The following CATSPERE variants were observed in gnomAD, a reference collection of about 807,000 sequenced individuals.
CATSPERE encodes cation channel sperm-associated auxiliary subunit epsilon.
A neutral mutation model predicts 114.1 loss-of-function variants in CATSPERE; 93 were observed. That is an observed-to-expected ratio of 0.81 (90% confidence interval 0.69 to 0.97). The LOEUF (loss-of-function observed/expected upper bound fraction) is 0.97. Among genes scored for constraint, CATSPERE ranks in the 50% least tolerant of loss-of-function variants. The pLI is 0.00. For synonymous variants in CATSPERE, 341 were observed against 384.1 expected, an observed-to-expected ratio of 0.89 and a Z score of 1.31; for missense variants, 1,058 against 1,131.6, an observed-to-expected ratio of 0.93 and a Z score of 0.93.
chr1:244,636,866 G>C (rs1018815238), intron 21 of CATSPERE: 2 of 152,318 alleles, frequency 1.3e-5, no homozygotes, highest in African/African-American at 2.4e-5. Flanking sequence ...GCAGCGACTG[G>C]AGATGAGTTT....
chr1:244,625,426 A>ATTTTTTTTTTT (rs1326525192), intron 20 of CATSPERE, among the ~76,000 whole-genome samples: 25 of 3,942 alleles, frequency 6.3e-3, no homozygotes, highest in Admixed American at 0.016. Context: ...ATATATATAT[A>ATTTTTTTTTTT]TATATATTTT....
chr1:244,548,401 A>G (rs1195952076), intron 8 of CATSPERE, among the ~76,000 whole-genome samples: 2 of 152,196 alleles, frequency 1.3e-5, no homozygotes, highest in African/African-American at 4.8e-5. Flanking sequence ...GACCCCCAAT[A>G]TGACATCATT....
intron 8 of CATSPERE, among the ~76,000 whole-genome samples, chr1:244,549,552 A>G (rs1660281944): frequency 6.6e-6 from 1 of 152,208 alleles, no homozygotes. Context: ...TTACCATATA[A>G]TTTAAGTTAC....
chr1:244,534,573 T>C (rs1218573223), intron 8 of CATSPERE, among the ~76,000 whole-genome samples: 3 of 152,174 alleles, frequency 2.0e-5, no homozygotes, highest in South Asian at 4.1e-4. Flanking sequence ...GCATTCTTCA[T>C]TATGTCGATT....
chr1:244,465,287 G>T (rs1030749888), intron 2 of CATSPERE, among the ~76,000 whole-genome samples: 6 of 152,100 alleles, frequency 3.9e-5, no homozygotes, highest in African/African-American at 1.4e-4. Flanking sequence ...ACCAGCCTCG[G>T]CCTCCCAAAG....
At chr1:244,591,065 A>G (rs1373086686) in intron 14 of CATSPERE, among the ~76,000 whole-genome samples, 3 of 152,200 alleles carry the variant, frequency 2.0e-5, no homozygotes, top group African/African-American at 7.2e-5. Flanking sequence ...AGCAATATAT[A>G]TGGGTCCCAA....
At chr1:244,474,327 C>T (rs1053738877) in intron 2 of CATSPERE, among the ~76,000 whole-genome samples, 3 of 152,132 alleles carry the variant, frequency 2.0e-5, no homozygotes, top group Non-Finnish European at 4.4e-5. Flanking sequence ...CCACCGCACT[C>T]AGTTTACTGC....
Position 244,640,268 on chromosome 1 carries a change from T to C in CATSPERE, c.*187T>C. ...AATAGAAATGTTTTCATATATATTG[T>C]TATTAAATTAATCCTTTGTTTGCCT... On this transcript the variant is annotated 3_prime_UTR_variant, in exon 22 of 22. Transcript: ENST00000366534. The C allele has an allele frequency of 2.2e-6, 1 of 452,646 alleles. No homozygotes were observed. The highest frequency in any genetic ancestry group is 3.9e-6 in the Non-Finnish European group (1 of 258,910). 28.0% of individuals were successfully genotyped at this position (452,646 alleles called of 1,614,324 possible). A position where few individuals can be genotyped will look rare whatever the true frequency, so the allele number is the denominator to read the frequency against.
chr1:244,595,915 A>G (rs1668347713), intron 17 of CATSPERE, among the ~76,000 whole-genome samples: 1 of 152,252 alleles, frequency 6.6e-6, no homozygotes, highest in Admixed American at 6.5e-5. Context: ...CCTGGGCGAC[A>G]GAGCGAGACT....
chr1:244,460,846 G>A (rs1369499094), upstream of CATSPERE, among the ~76,000 whole-genome samples: 1 of 152,230 alleles, frequency 6.6e-6, no homozygotes, highest in Non-Finnish European at 1.5e-5. Flanking sequence ...CGCCGGAGGC[G>A]GAGGTTGCAG....
chr1:244,593,215 C>T (rs940452235), intron 15 of CATSPERE, among the ~76,000 whole-genome samples, 180 bp from the exon 16 acceptor site: 2 of 152,124 alleles, frequency 1.3e-5, no homozygotes, highest in Non-Finnish European at 2.9e-5. Context: ...TAATTCACGC[C>T]TTAGTGGTTG....
At chr1:244,595,702 C>T (rs531713025) in intron 17 of CATSPERE, among the ~76,000 whole-genome samples, 31 of 152,172 alleles carry the variant, frequency 2.0e-4, no homozygotes, top group African/African-American at 6.5e-4. Flanking sequence ...GAGGCCGAGG[C>T]GGGCGGATCA....
intron 5 of CATSPERE, among the ~76,000 whole-genome samples, chr1:244,489,459 T>C (rs1671604983): frequency 1.7e-5 from 1 of 58,954 alleles, no homozygotes; most frequent in African/African-American, 8.0e-5. Context: ...GATTTTTTTT[T>C]TTTTTTTTTT....
chr1:244,585,024 C>T (rs1405363616), intron 13 of CATSPERE, among the ~76,000 whole-genome samples: 1 of 152,152 alleles, frequency 6.6e-6, no homozygotes, highest in African/African-American at 2.4e-5. Flanking sequence ...TTATGGATGC[C>T]TTCCCGAAGC....
chr1:244,549,915 T>C (rs1483622095), intron 8 of CATSPERE, among the ~76,000 whole-genome samples: 3 of 152,182 alleles, frequency 2.0e-5, no homozygotes, highest in African/African-American at 7.2e-5. Context: ...TGGTTGGGCA[T>C]CACGCAGTCC....
At chr1:244,453,902 T>A (rs1019208153), upstream of CATSPERE, among the ~76,000 whole-genome samples, 2 of 152,168 alleles carry the variant, frequency 1.3e-5, no homozygotes, top group Non-Finnish European at 2.9e-5. Flanking sequence ...CATTTGGCTC[T>A]TTCTAACTAG....
intron 2 of CATSPERE, among the ~76,000 whole-genome samples, chr1:244,477,042 C>T (rs1227726644): frequency 6.6e-6 from 1 of 152,142 alleles, no homozygotes; most frequent in Non-Finnish European, 1.5e-5. Context: ...GTCTCCCAGG[C>T]TGGAGTACAA....
At chr1:244,621,226 T>C (rs55666358) in intron 20 of CATSPERE, among the ~76,000 whole-genome samples, 6 of 33,506 alleles carry the variant, frequency 1.8e-4, no homozygotes, top group Admixed American at 4.5e-4. Flanking sequence ...TATATTTATA[T>C]AAATATATTT....
intron 8 of CATSPERE, among the ~76,000 whole-genome samples, chr1:244,530,367 A>G (rs1323098233): frequency 1.3e-5 from 2 of 152,134 alleles, no homozygotes; most frequent in Non-Finnish European, 2.9e-5. Context: ...GTTCTCTTCC[A>G]TTGGTCTATG....
Sources: gnomAD v4.1 joint callset for allele counts (sites outside exome capture counted in the v4.1 genomes callset) on GRCh38, gnomAD v4.1.1 for gene constraint, MANE v1.5 for transcripts, NCBI Gene and HGNC (gene_info 2026-07-23, HGNC 2026-07-21) for gene names.